Variants in SNX9 observed in about 807,000 individuals in gnomAD.
The protein encoded by SNX9 is sorting nexin 9.
A neutral mutation model predicts 89.4 loss-of-function variants in SNX9; 44 were observed. The observed-to-expected ratio is 0.49, with a 90% CI of 0.39 to 0.63. The LOEUF (loss-of-function observed/expected upper bound fraction) is 0.63, where lower values mean the gene tolerates loss of function less well. Ranked by LOEUF, SNX9 falls within the 30% of genes least tolerant of loss-of-function variation. The pLI is 0.00. For missense variants in SNX9, 578 were observed against 736.1 expected, an observed-to-expected ratio of 0.79 and a Z score of 2.49; for synonymous variants, 236 against 247.8, an observed-to-expected ratio of 0.95 and a Z score of 0.45.
chr6:157,902,874 G>A (rs1300230173), intron 6 of SNX9, among the ~76,000 whole-genome samples: 1 of 151,822 alleles, frequency 6.6e-6, no homozygotes, highest in Admixed American at 6.6e-5. Context: ...TACCACGTTG[G>A]CCAGGCTGGT....
At chr6:157,836,597 C>CT (rs781102121) in intron 1 of SNX9, among the ~76,000 whole-genome samples, 1,537 of 144,016 alleles carry the variant, frequency 0.011, 24 homozygotes, top group African/African-American at 0.027. Context: ...TCTTTTCTTT[C>CT]TTTTTTTTTT....
intron 1 of SNX9, among the ~76,000 whole-genome samples, chr6:157,826,886 A>AATATATATTATAGTTTATATAATAT (rs1262699292): frequency 9.8e-6 from 1 of 101,640 alleles, no homozygotes; most frequent in Non-Finnish European, 1.8e-5. Context: ...ATAATATATA[A>AATATATATTATAGTTTATATAATAT]ATATATATTA....
chr6:157,885,849 C>T (rs1782724951), intron 4 of SNX9, among the ~76,000 whole-genome samples: 1 of 152,200 alleles, frequency 6.6e-6, no homozygotes, highest in African/African-American at 2.4e-5. Context: ...CGTTTGGTGT[C>T]TGCTGGAAGG....
intron 5 of SNX9, 114 bp from the exon 6 acceptor site, chr6:157,901,784 C>A (rs921875659): frequency 3.0e-5 from 37 of 1,230,312 alleles, no homozygotes; most frequent in Non-Finnish European, 3.9e-5. Context: ...TTTTCTCCAT[C>A]AAAAAAAAAT....
intron 1 of SNX9, among the ~76,000 whole-genome samples, chr6:157,863,133 A>G (rs540372850): frequency 4.4e-4 from 67 of 152,352 alleles, no homozygotes; most frequent in Middle Eastern, 3.4e-3. Context: ...CTCCCATACC[A>G]AAGAGCTCTG....
chr6:157,861,676 A>AT (rs1782126051), intron 1 of SNX9, among the ~76,000 whole-genome samples: 1 of 152,180 alleles, frequency 6.6e-6, no homozygotes, highest in Non-Finnish European at 1.5e-5. Flanking sequence ...GTGACGGGGG[A>AT]TATGTTCCGA....
Position 157,823,356 on chromosome 6 carries a change from C to T in SNX9, c.-79C>T, listed in dbSNP as rs1781272814. On this transcript the variant is annotated 5_prime_UTR_variant, in exon 1 of 18. Coordinates refer to ENST00000392185, the MANE Select transcript of SNX9 (RefSeq NM_016224.5). The surrounding 1 kb of genome is among the most constrained non-coding windows in gnomAD (Gnocchi z 4.6). ...CCGGAGCCGCCGCCCTCGCCCTTGC[C>T]TTTGCCTGCGCGGCTCAGAATCACC... 14 of 1,245,444 alleles carry T rather than the reference C, an allele frequency of 1.1e-5. No homozygotes were observed. The highest frequency in any genetic ancestry group is 2.0e-5 in the South Asian group (1 of 50,930). The allele number at this position is 1,245,444 out of a possible 1,614,324, so 77.1% of individuals were successfully genotyped here.
intron 4 of SNX9, among the ~76,000 whole-genome samples, chr6:157,883,051 A>G (rs7741141): frequency 0.27 from 40,953 of 151,894 alleles, 5,905 homozygotes; most frequent in African/African-American, 0.36. Flanking sequence ...TGTTTTAAGA[A>G]GTTGCCACAG....
intron 1 of SNX9, among the ~76,000 whole-genome samples, chr6:157,844,587 G>GTTTTTTTTTTTTTTTT (rs1177648226): frequency 5.4e-4 from 70 of 130,290 alleles, no homozygotes; most frequent in South Asian, 7.5e-4. Context: ...GCTAATCCTT[G>GTTTTTTTTTTTTTTTT]TTTTTTTTTT....
intron 6 of SNX9, among the ~76,000 whole-genome samples, chr6:157,904,010 A>T (rs1435621139): frequency 6.6e-6 from 1 of 152,236 alleles, no homozygotes; most frequent in Non-Finnish European, 1.5e-5. Context: ...AAACAATTAT[A>T]AAAAATGTTT....
rs187753423 is a variant in SNX9 at position 157,846,395 on chromosome 6, G to A, written c.13-21152G>A. On this transcript the variant is annotated intron_variant, in intron 1 of 17. Transcript: ENST00000392185. ...CTAGAAAAGAAATTGCCCTGAAGAG[G>A]AACTGCTGATAAAAATAAATCGTAG... 2.0e-5 allele frequency among the ~76,000 whole-genome samples: 3 copies of A among 152,330 alleles called. No individual in the cohort carries two copies. In the East Asian group the frequency reaches 5.8e-4, roughly 29 times the overall value.
At chr6:157,911,407 C>T (rs1036324658) in intron 9 of SNX9, among the ~76,000 whole-genome samples, 2 of 152,190 alleles carry the variant, frequency 1.3e-5, no homozygotes, top group African/African-American at 4.8e-5. Context: ...TCTCACTGCA[C>T]TCGCAAGAGT....
At chr6:157,894,172 T>G (rs369636496) in intron 4 of SNX9, among the ~76,000 whole-genome samples, 16 of 142,760 alleles carry the variant, frequency 1.1e-4, no homozygotes, top group African/African-American at 4.2e-4. Context: ...TGCAGTGGCG[T>G]GATCTCAGCT....
rs150560983 is a variant in SNX9, at chr6:157,876,598, G to A, written c.300+1422G>A. On this transcript the variant is annotated intron_variant, in intron 4 of 17. Transcript: ENST00000392185. Reference sequence around the variant, plus strand: ...CAGATATTTAAAATTTGCAGGCAAGGTGATTGATCACTGTAATTGAAGAAT... The same window carrying A: ...CAGATATTTAAAATTTGCAGGCAAGATGATTGATCACTGTAATTGAAGAAT... Among the ~76,000 whole-genome samples the A allele has an allele frequency of 2.1e-4, 32 of 152,330 alleles. 1 individual carries two copies. The East Asian group carries it at 5.2e-3, about 25-fold the overall frequency.
chr6:157,873,626 A>G (rs9365536), intron 3 of SNX9, among the ~76,000 whole-genome samples: 6,566 of 147,918 alleles, frequency 0.044, 191 homozygotes, highest in East Asian at 0.11. Flanking sequence ...AAATTATATA[A>G]ATTATAAATA....
intron 4 of SNX9, among the ~76,000 whole-genome samples, chr6:157,891,820 G>A (rs1192222945): frequency 6.6e-6 from 1 of 152,214 alleles, no homozygotes; most frequent in Non-Finnish European, 1.5e-5. Flanking sequence ...TAAGAGTACA[G>A]TATAGTGTGA....
intron 1 of SNX9, among the ~76,000 whole-genome samples, chr6:157,852,112 T>C (rs1781926414): frequency 1.3e-5 from 2 of 152,352 alleles, no homozygotes; most frequent in East Asian, 3.9e-4. Context: ...GTCCCTGCTT[T>C]CAGTTCTTTT....
chr6:157,945,012 A>T lies in SNX9; in HGVS notation c.*2174A>T, dbSNP rs1784113555. 1 of 152,200 alleles carries T rather than the reference A, an allele frequency of 6.6e-6. No homozygotes were observed. The highest frequency in any genetic ancestry group is 1.5e-5 in the Non-Finnish European group (1 of 68,036). The allele number at this position is 152,200 out of a possible 1,614,324, so 9.4% of individuals were successfully genotyped here. ...GATGTTTTGATTTTTAATGATTTGT[A>T]TCAACCTGTAGGTACCACAGAAGAG... On this transcript the variant is annotated 3_prime_UTR_variant, in exon 18 of 18. Coordinates refer to ENST00000392185, the MANE Select transcript of SNX9 (RefSeq NM_016224.5).
At chr6:157,828,779 A>G (rs571421272) in intron 1 of SNX9, among the ~76,000 whole-genome samples, 1 of 152,210 alleles carries the variant, frequency 6.6e-6, no homozygotes, top group South Asian at 2.1e-4. Context: ...CTGGCCACAT[A>G]TTAGGTCTTA....
Sources: gnomAD v4.1 joint callset for allele counts (sites outside exome capture counted in the v4.1 genomes callset) on GRCh38, gnomAD v4.1.1 for gene constraint, Gnocchi (gnomAD v3.1) non-coding constraint, MANE v1.5 for transcripts, NCBI Gene and HGNC (gene_info 2026-07-23, HGNC 2026-07-21) for gene names.